The following NRXN3 variants were observed in gnomAD, a reference collection of about 807,000 sequenced individuals.
NRXN3 encodes neurexin III.
A neutral mutation model predicts 137.6 loss-of-function variants in NRXN3; 32 were observed. The ratio of observed to expected loss-of-function variants is 0.23; its 90% CI spans 0.18 to 0.31. The LOEUF (loss-of-function observed/expected upper bound fraction) is 0.31, where lower values mean the gene tolerates loss of function less well. NRXN3 is among the 10% of genes least tolerant of loss of function. NRXN3 has a pLI of 1.00. For missense variants in NRXN3, 1,574 were observed against 2,062.5 expected (o/e 0.76, Z 4.59); for synonymous variants, 798 against 784.5 (o/e 1.02, Z -0.29).
At chr14:78,959,642 G>C (rs1397256736) in intron 11 of NRXN3, among the ~76,000 whole-genome samples, 1 of 152,148 alleles carries the variant, frequency 6.6e-6, no homozygotes, top group Non-Finnish European at 1.5e-5. Context: ...GGGAGGTGAA[G>C]TTCCTGGTCT....
chr14:79,858,769 A>C (rs2141903044), intron 20 of NRXN3, among the ~76,000 whole-genome samples: 1 of 152,106 alleles, frequency 6.6e-6, no homozygotes, highest in East Asian at 1.9e-4. Flanking sequence ...TATTACTCAA[A>C]CCTTGCCCTC....
chr14:79,247,561 A>G (rs2075357989), intron 15 of NRXN3, among the ~76,000 whole-genome samples: 1 of 152,152 alleles, frequency 6.6e-6, no homozygotes, highest in Non-Finnish European at 1.5e-5. Flanking sequence ...GCAGAAATTT[A>G]TCACCTTATT....
chr14:78,621,339 C>G (rs2097402028), intron 4 of NRXN3, among the ~76,000 whole-genome samples: 1 of 151,934 alleles, frequency 6.6e-6, no homozygotes, highest in Non-Finnish European at 1.5e-5. Flanking sequence ...TAAAATTTAC[C>G]TTTATACCAT....
intron 16 of NRXN3, among the ~76,000 whole-genome samples, chr14:79,636,983 G>A (rs221476): frequency 0.38 from 58,184 of 152,132 alleles, 15,754 homozygotes; most frequent in African/African-American, 0.77. Context: ...GTAAGACTGT[G>A]TAACCAGCTG....
intron 19 of NRXN3, among the ~76,000 whole-genome samples, chr14:79,772,849 A>C (rs1296514211): frequency 6.6e-6 from 1 of 152,198 alleles, no homozygotes; most frequent in Non-Finnish European, 1.5e-5. Flanking sequence ...CAACCTACAA[A>C]ATGGGAGAAA....
intron 15 of NRXN3, among the ~76,000 whole-genome samples, chr14:79,046,128 A>C (rs2099632745): frequency 6.6e-6 from 1 of 152,244 alleles, no homozygotes; most frequent in Admixed American, 6.5e-5. Context: ...AGGTTTAAGC[A>C]ATGGAGTAAC....
Position 78,839,944 on chromosome 14 carries a change from A to G in NRXN3, c.2275+29600A>G, listed in dbSNP as rs75184958. ...AGACTAATGTTTTTATGCTTCCTTT[A>G]TAGAACATGAACACATTTGAGGTTT... is the stretch of plus-strand genomic sequence containing the variant. On this transcript the variant is annotated intron_variant, in intron 10 of 20. Coordinates refer to ENST00000335750, the MANE Select transcript of NRXN3 (RefSeq NM_001330195.2). Among the ~76,000 whole-genome samples, 289 of 152,348 alleles carry G rather than the reference A, an allele frequency of 1.9e-3. 1 individual carries two copies. Among genetic ancestry groups the G allele is most frequent in the Non-Finnish European group, 3.2e-3 (219 of 68,032 alleles).
At chr14:79,455,903 A>G (rs551835440) in intron 15 of NRXN3, among the ~76,000 whole-genome samples, 25 of 151,886 alleles carry the variant, frequency 1.6e-4, no homozygotes, top group African/African-American at 5.8e-4. Flanking sequence ...TATTTATCTT[A>G]TTTTTGTAAT....
intron 15 of NRXN3, among the ~76,000 whole-genome samples, chr14:79,123,683 G>C (rs2055883362): frequency 6.6e-6 from 1 of 152,176 alleles, no homozygotes. Context: ...CACACCTGGG[G>C]ATGTGAAAAT....
intron 7 of NRXN3, among the ~76,000 whole-genome samples, chr14:78,710,339 G>A (rs1291345148): frequency 7.4e-6 from 1 of 134,270 alleles, no homozygotes; most frequent in African/African-American, 2.7e-5. Flanking sequence ...GCCCCAGGCA[G>A]TACATAGCTA....
At chr14:79,300,629 C>T (rs2084977682) in intron 15 of NRXN3, among the ~76,000 whole-genome samples, 1 of 152,022 alleles carries the variant, frequency 6.6e-6, no homozygotes, top group African/African-American at 2.4e-5. Context: ...GGCTGCCTCC[C>T]AGAGAGGTAT....
At position 79,864,654 on chromosome 14, in the gene NRXN3, T is replaced by C. The variant is rs986619623; in HGVS notation, c.*2690T>C. 2.0e-5 allele frequency: 3 copies of C among 152,172 alleles called. No homozygotes were observed. The highest frequency in any genetic ancestry group is 6.5e-5 in the Admixed American group (1 of 15,280). The allele number at this position is 152,172 out of a possible 1,614,324, so 9.4% of individuals were successfully genotyped here. A position where few individuals can be genotyped will look rare whatever the true frequency, so the allele number is the denominator to read the frequency against. ...CTATGATAGAATAACCAGGAGGGAG[T>C]GCATTTTTCTGGAAAGATGATAGAA... On this transcript the variant is annotated 3_prime_UTR_variant, in exon 21 of 21. Coordinates refer to ENST00000335750, the MANE Select transcript of NRXN3 (RefSeq NM_001330195.2).
chr14:79,032,230 T>C (rs1490876280), intron 15 of NRXN3, among the ~76,000 whole-genome samples: 1 of 152,142 alleles, frequency 6.6e-6, no homozygotes. Flanking sequence ...CTCCAACAAC[T>C]TGAAGCTTGC....
chr14:78,454,448 A>G (rs2094631188), intron 4 of NRXN3, among the ~76,000 whole-genome samples: 1 of 152,216 alleles, frequency 6.6e-6, no homozygotes, highest in Non-Finnish European at 1.5e-5. Flanking sequence ...AAATATACCC[A>G]TCATCAGGGC....
Position 79,412,250 on chromosome 14 carries a change from G to A in NRXN3, c.3263-54971G>A, listed in dbSNP as rs116051411. ...CTAAATATCTTCACCAAAAAATAAG[G>A]AGGCATAAGAGGGGAGATACCAGAT... On this transcript the variant is annotated intron_variant, in intron 15 of 20. Coordinates refer to ENST00000335750, the MANE Select transcript of NRXN3 (RefSeq NM_001330195.2). 8.5e-3 allele frequency among the ~76,000 whole-genome samples: 1,288 copies of A among 152,176 alleles called. 13 individuals carry two copies. The highest frequency in any genetic ancestry group is 0.029 in the African/African-American group (1,215 of 41,536).
In NRXN3 at chr14:78,409,218, C is replaced by T. The variant is rs150461786; in HGVS notation, c.757+111358C>T. On this transcript the variant is annotated intron_variant, in intron 4 of 20. Transcript: ENST00000335750. ...TAAGACTAACAAGAACAGGTACTAGCGTAGATGGTGGTTTCTATATGCTAG... is the reference window on the plus strand; with the variant it reads ...TAAGACTAACAAGAACAGGTACTAGTGTAGATGGTGGTTTCTATATGCTAG... Among the ~76,000 whole-genome samples, 163 of 152,258 alleles carry T rather than the reference C, an allele frequency of 1.1e-3. 1 individual carries two copies. Among genetic ancestry groups the T allele is most frequent in the African/African-American group, 3.7e-3 (155 of 41,558 alleles).
At chr14:79,103,013 GAAAATA>G (rs1454159102) in intron 15 of NRXN3, among the ~76,000 whole-genome samples, 1 of 152,144 alleles carries the variant, frequency 6.6e-6, no homozygotes, top group African/African-American at 2.4e-5. Context: ...GGATAAACCT[GAAAATA>G]AAATGACATG....
chr14:79,228,822 C>T (rs1292580009), intron 15 of NRXN3, among the ~76,000 whole-genome samples: 2 of 152,114 alleles, frequency 1.3e-5, no homozygotes, highest in Non-Finnish European at 2.9e-5. Context: ...TGTAAATATA[C>T]TGTATTTCTT....
intron 15 of NRXN3, among the ~76,000 whole-genome samples, chr14:79,184,307 A>G (rs982782354): frequency 6.6e-6 from 1 of 152,250 alleles, no homozygotes; most frequent in Non-Finnish European, 1.5e-5. Context: ...AAACAGCAAG[A>G]GAAGATGATT....
Sources: allele counts gnomAD v4.1 joint callset (sites outside exome capture counted in the v4.1 genomes callset), GRCh38; gene constraint gnomAD v4.1.1; transcripts MANE v1.5; gene names NCBI Gene and HGNC (gene_info 2026-07-23, HGNC 2026-07-21).